Variants in WDR27 observed in about 807,000 individuals in gnomAD.
WDR27 encodes the protein WD repeat domain 27, also known as WD repeat-containing protein 27.
WDR27 carries 100 observed loss-of-function variants against 114.4 expected under a neutral mutation model. The ratio of observed to expected loss-of-function variants is 0.87; its 90% CI spans 0.74 to 1.03. The LOEUF (loss-of-function observed/expected upper bound fraction) is 1.03, where lower values mean the gene tolerates loss of function less well. Ranked by LOEUF, WDR27 falls within the 50% of genes least tolerant of loss-of-function variation. The pLI is 0.00. For missense variants in WDR27, 1,129 were observed against 1,092.9 expected (o/e 1.03, Z -0.47); for synonymous variants, 449 against 423.1 (o/e 1.06, Z -0.75).
intron 25 of WDR27, among the ~76,000 whole-genome samples, chr6:169,562,334 A>G (rs574191351): frequency 1.1e-4 from 16 of 152,266 alleles, no homozygotes; most frequent in African/African-American, 2.2e-4. Context: ...TTGGAAATCA[A>G]TAAGAGTTGA....
rs1562820091 is a variant in WDR27 at position 169,651,939 on chromosome 6, G to A, written c.1472C>T (p.Ser491Leu). ...HSKVRSSGYA[S>L]APHVTMFSPK... ...ACATGAGTTCACTCACTGTGGTGCT[G>A]ACGCATAACCAGATGACCTAACTTT... Residue 491 changes from serine to leucine, a missense_variant, in exon 14 of 26, where the codon TCA (serine) becomes TTA (leucine). Ser to Leu is a moderately radical substitution (Grantham distance 145). Transcript: ENST00000448612. The A allele has an allele frequency of 1.2e-6, 2 of 1,613,600 alleles. No homozygotes were observed. Among genetic ancestry groups the A allele is most frequent in the East Asian group, 4.5e-5 (2 of 44,870 alleles).
chr6:169,570,580 A>G (rs1276196815), intron 25 of WDR27, among the ~76,000 whole-genome samples: 1 of 152,180 alleles, frequency 6.6e-6, no homozygotes, highest in Admixed American at 6.5e-5. Context: ...TGTAATCCCA[A>G]CACTTTGGGA....
Position 169,659,420 on chromosome 6 carries a change from T to TA in WDR27, c.1197+30dup, listed in dbSNP as rs774315183. 13 of 1,601,578 alleles carry TA rather than the reference T, an allele frequency of 8.1e-6. No individual in the cohort carries two copies. In the African/African-American group the frequency reaches 1.7e-4, roughly 21 times the overall value. The stretch of plus-strand genomic sequence containing the variant: ...AAGAAGAAATCAGAGGCACGTCTCA[T>TA]AGACAGGGAGGGCCGCGTCTCAGGA... On this transcript the variant is annotated intron_variant, in intron 11 of 25. Transcript: ENST00000448612. This position sits in a 1 kb window ranked among gnomAD's most constrained non-coding sequence, Gnocchi z 4.3.
intron 16 of WDR27, among the ~76,000 whole-genome samples, chr6:169,644,572 A>G (rs1820036186): frequency 6.7e-6 from 1 of 149,818 alleles, no homozygotes. Flanking sequence ...CGAAAAGCCT[A>G]GTTCACAGGA....
intron 25 of WDR27, among the ~76,000 whole-genome samples, chr6:169,510,687 C>T (rs531507001): frequency 1.3e-5 from 2 of 151,336 alleles, no homozygotes; most frequent in Non-Finnish European, 2.9e-5. Flanking sequence ...TGCTAAATGA[C>T]GAGTTAATGG....
intron 20 of WDR27, 46 bp from the exon 21 acceptor site, chr6:169,633,114 G>T: frequency 1.3e-6 from 2 of 1,547,488 alleles, no homozygotes; most frequent in Non-Finnish European, 1.8e-6. Flanking sequence ...TCTTACCCAT[G>T]GGGAAGGGAC....
intron 21 of WDR27, 41 bp downstream of exon 21, chr6:169,632,906 T>C (rs201933225): frequency 5.1e-5 from 79 of 1,551,450 alleles, no homozygotes; most frequent in Non-Finnish European, 6.7e-5. Flanking sequence ...TTTAAGCACA[T>C]AGTTTTACAG....
Position 169,660,656 on chromosome 6 carries a change from A to T in WDR27, c.1129+7T>A, listed in dbSNP as rs1281397478. The T allele has an allele frequency of 1.9e-6, 3 of 1,609,690 alleles. No homozygotes were observed. The highest frequency in any genetic ancestry group is 2.6e-6 in the Non-Finnish European group (3 of 1,176,038). On this transcript the variant is annotated splice_region_variant and intron_variant, in intron 10 of 25. Transcript: ENST00000448612. ...CAGTTACATGGCGTTGAAATCAAAG[A>T]TCTTACCCTTGTAATACAAAGCAGC...
intron 13 of WDR27, among the ~76,000 whole-genome samples, chr6:169,654,742 C>CGCGCACAGAAGGAGGT (rs1823599454): frequency 6.6e-6 from 1 of 150,500 alleles, no homozygotes; most frequent in African/African-American, 2.5e-5. Context: ...CAGGAGGAGG[C>CGCGCACAGAAGGAGGT]GCGCACAGGG....
At chr6:169,660,112 C>T (rs370739968) in intron 10 of WDR27, among the ~76,000 whole-genome samples, 31 of 145,542 alleles carry the variant, frequency 2.1e-4, no homozygotes, top group Middle Eastern at 3.4e-3. Context: ...TTTCAGAAGT[C>T]GCCTGGGCTC....
In WDR27 at chr6:169,635,957, C is replaced by G. The variant is rs527533272; in HGVS notation, c.2003+414G>C. ...TTATTTCTTTAAAAATTCTGGAAAA[C>G]AAAGATAGTGAAATGTTAATACTTG... On this transcript the variant is annotated intron_variant, in intron 19 of 25. Transcript: ENST00000448612. 3.5e-4 allele frequency among the ~76,000 whole-genome samples: 53 copies of G among 152,214 alleles called. 1 individual carries two copies. The South Asian group carries it at 0.011, about 30-fold the overall frequency.
At chr6:169,639,007 T>C (rs1345218849) in intron 17 of WDR27, among the ~76,000 whole-genome samples, 1 of 151,382 alleles carries the variant, frequency 6.6e-6, no homozygotes, top group African/African-American at 2.4e-5. Context: ...TACTGCGTGG[T>C]GCTGGATACT....
chr6:169,632,136 C>T (rs1032864501), intron 21 of WDR27, among the ~76,000 whole-genome samples: 3 of 146,556 alleles, frequency 2.0e-5, no homozygotes, highest in Non-Finnish European at 3.0e-5. Flanking sequence ...TGCAGTGAGC[C>T]GAGATAGTGC....
chr6:169,562,244 T>C (rs1158165416), intron 25 of WDR27, among the ~76,000 whole-genome samples: 1 of 152,124 alleles, frequency 6.6e-6, no homozygotes, highest in Non-Finnish European at 1.5e-5. Flanking sequence ...CTACATTCTT[T>C]CCAGGTGTAC....
chr6:169,589,948 C>A (rs1255710490), intron 23 of WDR27, among the ~76,000 whole-genome samples: 4 of 4,212 alleles, frequency 9.5e-4, no homozygotes. Context: ...AAATCTTATG[C>A]CAGAACCAAA....
chr6:169,447,850 T>C, the WDR27 span, among the ~76,000 whole-genome samples: 1 of 152,210 alleles, frequency 6.6e-6, no homozygotes, highest in East Asian at 1.9e-4. Flanking sequence ...GAATAATTCA[T>C]CTGCAATAAA....
At chr6:169,528,259 G>GA (rs993117083) in intron 25 of WDR27, among the ~76,000 whole-genome samples, 3 of 151,988 alleles carry the variant, frequency 2.0e-5, no homozygotes, top group African/African-American at 7.2e-5. Flanking sequence ...AGGCATTACT[G>GA]AAAAAAGAGT....
At chr6:169,604,033 T>C (rs915937773) in intron 22 of WDR27, among the ~76,000 whole-genome samples, 1 of 152,172 alleles carries the variant, frequency 6.6e-6, no homozygotes, top group East Asian at 1.9e-4. Context: ...AACAACCTAA[T>C]GTTGCACCTC....
In WDR27 at chr6:169,621,085, G is replaced by A. The variant is rs1813015768; in HGVS notation, c.2224-7429C>T. 2.0e-5 allele frequency among the ~76,000 whole-genome samples: 3 copies of A among 152,194 alleles called. 1 individual carries two copies. The South Asian group carries it at 6.2e-4, about 31-fold the overall frequency. On this transcript the variant is annotated intron_variant, in intron 21 of 25. Transcript: ENST00000448612. ...ACAGAACACTGCCAAGTGCACAGCA[G>A]CAGCTAATAGATATTTTAAATGAAT... is the stretch of plus-strand genomic sequence containing the variant.
Sources: allele counts gnomAD v4.1 joint callset (sites outside exome capture counted in the v4.1 genomes callset), GRCh38; gene constraint gnomAD v4.1.1; non-coding constraint Gnocchi (gnomAD v3.1); transcripts MANE v1.5; gene names NCBI Gene and HGNC (gene_info 2026-07-23, HGNC 2026-07-21).